DYRK1A: variants seen among roughly 807,000 people sequenced by gnomAD.
The protein encoded by DYRK1A is dual specificity tyrosine phosphorylation regulated kinase 1A.
DYRK1A carries 9 observed loss-of-function variants against 79.7 expected under a neutral mutation model. The ratio of observed to expected loss-of-function variants is 0.11; its 90% CI spans 0.07 to 0.20. The LOEUF (loss-of-function observed/expected upper bound fraction) is 0.20, where lower values mean the gene tolerates loss of function less well. Ranked by LOEUF, DYRK1A falls within the 10% of genes least tolerant of loss-of-function variation. The pLI, the probability that DYRK1A is intolerant of heterozygous loss-of-function variation, is 1.00. For synonymous variants in DYRK1A, 349 were observed against 329.7 expected, an observed-to-expected ratio of 1.06 and a Z score of -0.63; for missense variants, 622 against 956.0, an observed-to-expected ratio of 0.65 and a Z score of 4.61.
rs1011829396 is a variant in DYRK1A, at chr21:37,522,198, G to A, written c.*9667G>A. The A allele has an allele frequency of 2.0e-5, 3 of 152,110 alleles. No individual in the cohort carries two copies. The highest frequency in any genetic ancestry group is 4.4e-5 in the Non-Finnish European group (3 of 68,024). 9.4% of individuals were successfully genotyped at this position (152,110 alleles called of 1,614,324 possible). The stretch of plus-strand genomic sequence containing the variant: ...TGCCCAGTGTAGTCAGTGGGCTGAC[G>A]ACATTAGCATCACCTGGGTGCTTGC... On this transcript the variant is annotated 3_prime_UTR_variant, in exon 12 of 12. Coordinates refer to ENST00000647188, the MANE Select transcript of DYRK1A (RefSeq NM_001347721.2).
intron 7 of DYRK1A, among the ~76,000 whole-genome samples, chr21:37,491,524 ATTAAT>A (rs1165015815): frequency 2.6e-5 from 4 of 152,176 alleles, no homozygotes; most frequent in East Asian, 3.8e-4. Flanking sequence ...ACTATAACAG[ATTAAT>A]TTAATCATAA....
chr21:37,496,948 T>C (rs1040005692), intron 9 of DYRK1A, among the ~76,000 whole-genome samples: 7 of 152,194 alleles, frequency 4.6e-5, no homozygotes, highest in Non-Finnish European at 1.0e-4. Context: ...TTTTTTACTT[T>C]TGTTTTATAG....
At chr21:37,464,395 A>G (rs1433178050) in intron 2 of DYRK1A, 4 of 376,360 alleles carry the variant, frequency 1.1e-5, no homozygotes, top group South Asian at 4.1e-5. Context: ...ATTTTTCCCA[A>G]GTTTAGCAAA....
At chr21:37,454,531 A>T (rs971386538) in intron 2 of DYRK1A, among the ~76,000 whole-genome samples, 12 of 152,158 alleles carry the variant, frequency 7.9e-5, no homozygotes, top group Admixed American at 2.6e-4. Flanking sequence ...AATGTAACAG[A>T]TTTTTTAGGT....
At chr21:37,379,674 G>C (rs1028541363) in intron 1 of DYRK1A, among the ~76,000 whole-genome samples, 2 of 152,186 alleles carry the variant, frequency 1.3e-5, no homozygotes, top group African/African-American at 2.4e-5. Flanking sequence ...TAAAGGAAAA[G>C]GTTGTATCAT....
At chr21:37,427,865 TG>T (rs1192263869) in intron 2 of DYRK1A, among the ~76,000 whole-genome samples, 1 of 152,162 alleles carries the variant, frequency 6.6e-6, no homozygotes, top group East Asian at 1.9e-4. Flanking sequence ...GTATGTTTTT[TG>T]GGGGGTTTGT....
intron 2 of DYRK1A, among the ~76,000 whole-genome samples, chr21:37,471,958 A>G (rs2052240270): frequency 1.3e-5 from 2 of 152,152 alleles, no homozygotes; most frequent in African/African-American, 2.4e-5. Flanking sequence ...ATTAGATACC[A>G]TTACTTTTAT....
rs2148612009 is a variant in DYRK1A at position 37,490,116 on chromosome 21, T to C, written c.638-59T>C. ...TATAGAACATTTGAGAGTGCATGTG[T>C]TTGTTACTCTCAGTTTATTGGTATA... On this transcript the variant is annotated intron_variant, in intron 6 of 11. Coordinates refer to ENST00000647188, the MANE Select transcript of DYRK1A (RefSeq NM_001347721.2). 3 of 1,477,012 alleles carry C rather than the reference T, an allele frequency of 2.0e-6. No homozygotes were observed. In the South Asian group the frequency reaches 3.9e-5, roughly 19 times the overall value. 91.5% of individuals were successfully genotyped at this position (1,477,012 alleles called of 1,614,324 possible). A position where few individuals can be genotyped will look rare whatever the true frequency, so the allele number is the denominator to read the frequency against.
intron 3 of DYRK1A, among the ~76,000 whole-genome samples, chr21:37,473,426 TCA>T (rs1270088490): frequency 6.6e-6 from 1 of 152,204 alleles, no homozygotes; most frequent in African/African-American, 2.4e-5. Context: ...CTCTTGGTAC[TCA>T]CACACACATA....
Position 37,494,945 on chromosome 21 carries a change from TAA to T in DYRK1A, c.1072-1159_1072-1158del, listed in dbSNP as rs11312263. Among the ~76,000 whole-genome samples the T allele has an allele frequency of 4.7e-3, 677 of 145,308 alleles. 4 individuals are homozygous for T. Among genetic ancestry groups the T allele is most frequent in the African/African-American group, 9.1e-3 (359 of 39,262 alleles). Reference sequence around the variant, plus strand: ...CTTGGGAGACAGAACAAGACTCCATTAAAAAAAAAAAAAAATTGTGTGTTTGT... The same window carrying T: ...CTTGGGAGACAGAACAAGACTCCATTAAAAAAAAAAAAATTGTGTGTTTGT... On this transcript the variant is annotated intron_variant, in intron 8 of 11. Coordinates refer to ENST00000647188, the MANE Select transcript of DYRK1A (RefSeq NM_001347721.2).
chr21:37,469,815 C>T lies in DYRK1A; in HGVS notation c.11-2869C>T, dbSNP rs1289753470. ...GGCCCTCCTCCAATATTGGGGATTA[C>T]AGTTCGACATGAGAATTAGGCAGGG... is the stretch of plus-strand genomic sequence containing the variant. On this transcript the variant is annotated intron_variant, in intron 2 of 11. Coordinates refer to ENST00000647188, the MANE Select transcript of DYRK1A (RefSeq NM_001347721.2). 3.9e-5 allele frequency among the ~76,000 whole-genome samples: 6 copies of T among 152,304 alleles called. 1 individual carries two copies. The highest frequency in any genetic ancestry group is 3.4e-3 in the Middle Eastern group (1 of 294).
chr21:37,368,335 CTATT>C (rs1211409390), intron 1 of DYRK1A, among the ~76,000 whole-genome samples: 1 of 152,216 alleles, frequency 6.6e-6, no homozygotes, highest in Non-Finnish European at 1.5e-5. Context: ...CTTCACCAGT[CTATT>C]TATAGGCACA....
At chr21:37,403,120 A>G (rs1470647817) in intron 1 of DYRK1A, among the ~76,000 whole-genome samples, 3 of 151,072 alleles carry the variant, frequency 2.0e-5, no homozygotes, top group African/African-American at 4.9e-5. Context: ...TTTTTTCCCT[A>G]CCATCTTCAA....
intron 1 of DYRK1A, among the ~76,000 whole-genome samples, chr21:37,384,748 T>TTGAC (rs2049727245): frequency 6.6e-6 from 1 of 152,304 alleles, no homozygotes; most frequent in Admixed American, 6.5e-5. Context: ...AAAACAGTTA[T>TTGAC]TGTATTTCAT....
At position 37,497,270 on chromosome 21, in the gene DYRK1A, T is replaced by C. The variant is rs562256905; in HGVS notation, c.1212+1012T>C. On this transcript the variant is annotated intron_variant, in intron 9 of 11. Coordinates refer to ENST00000647188, the MANE Select transcript of DYRK1A (RefSeq NM_001347721.2). ...ATATCAGATGATTTTCTTTAGAATA[T>C]TTAAAAGCACATACGTAGTTGTATC... Among the ~76,000 whole-genome samples the C allele has an allele frequency of 2.8e-3, 434 of 152,344 alleles. 1 individual carries two copies. Among genetic ancestry groups the C allele is most frequent in the African/African-American group, 1.0e-2 (415 of 41,578 alleles).
chr21:37,454,836 A>G (rs1267055102), intron 2 of DYRK1A, among the ~76,000 whole-genome samples: 2 of 152,188 alleles, frequency 1.3e-5, no homozygotes, highest in African/African-American at 2.4e-5. Flanking sequence ...GATGTTAAAG[A>G]TGGAGTAGGC....
At chr21:37,417,531 T>TTTTCTTTTTC (rs1168432687) in intron 1 of DYRK1A, among the ~76,000 whole-genome samples, 1 of 73,124 alleles carries the variant, frequency 1.4e-5, no homozygotes, top group East Asian at 2.6e-4. Flanking sequence ...TTCTTTTTCT[T>TTTTCTTTTTC]TTTTTTTTTT....
chr21:37,472,639 T>G, intron 2 of DYRK1A, 45 bp from the exon 3 acceptor site: 1 of 1,429,832 alleles, frequency 7.0e-7, no homozygotes, highest in East Asian at 2.4e-5. Context: ...GATACAAACA[T>G]TAGGATATGA....
chr21:37,407,837 T>C (rs1054737675), intron 1 of DYRK1A, among the ~76,000 whole-genome samples: 18 of 152,232 alleles, frequency 1.2e-4, no homozygotes, highest in Non-Finnish European at 2.1e-4. Context: ...GAATGGCAGC[T>C]GATCAGACTG....
Sources: gnomAD v4.1 joint callset for allele counts (sites outside exome capture counted in the v4.1 genomes callset) on GRCh38, gnomAD v4.1.1 for gene constraint, MANE v1.5 for transcripts, NCBI Gene and HGNC (gene_info 2026-07-23, HGNC 2026-07-21) for gene names.